The following PCSK2 variants were observed in gnomAD, a reference collection of about 807,000 sequenced individuals.
The protein encoded by PCSK2 is neuroendocrine convertase 2.
In PCSK2, 14 loss-of-function variants were observed where a neutral mutation model predicts 69.7. The ratio of observed to expected loss-of-function variants is 0.20; its 90% CI spans 0.13 to 0.31. The LOEUF (loss-of-function observed/expected upper bound fraction) is 0.31, where lower values mean the gene tolerates loss of function less well. Ranked by LOEUF, PCSK2 falls within the 10% of genes least tolerant of loss-of-function variation. PCSK2 has a pLI of 1.00. For synonymous variants in PCSK2, 307 were observed against 320.7 expected, an observed-to-expected ratio of 0.96 and a Z score of 0.46; for missense variants, 544 against 842.5, an observed-to-expected ratio of 0.65 and a Z score of 4.39.
chr20:17,290,365 C>T (rs1447905429), intron 2 of PCSK2, among the ~76,000 whole-genome samples: 1 of 152,204 alleles, frequency 6.6e-6, no homozygotes, highest in Non-Finnish European at 1.5e-5. Context: ...CCATTTTCTA[C>T]CATTCATATG....
chr20:17,229,030 C>A (rs1453698063), intron 1 of PCSK2, among the ~76,000 whole-genome samples: 1 of 151,880 alleles, frequency 6.6e-6, no homozygotes, highest in Non-Finnish European at 1.5e-5. Context: ...CTTCTTCACT[C>A]CCCCCCACCC....
chr20:17,333,892 C>A (rs1018404849), intron 2 of PCSK2, among the ~76,000 whole-genome samples: 6 of 92,498 alleles, frequency 6.5e-5, no homozygotes, highest in Admixed American at 2.8e-4. Flanking sequence ...CCATACATTT[C>A]TTCCTTCTAA....
At position 17,453,692 on chromosome 20, in the gene PCSK2, C is replaced by T. The variant is rs1176846618; in HGVS notation, c.886-50C>T. ...CTGGGCTGGAGACCTCCCCTGCCCC[C>T]TCGCAGCCCAGGCTGTGGGTAGCGG... On this transcript the variant is annotated intron_variant, in intron 8 of 11. Transcript: ENST00000262545. The surrounding 1 kb of genome is among the most constrained non-coding windows in gnomAD (Gnocchi z 4.0). 1.2e-6 allele frequency: 2 copies of T among 1,601,798 alleles called. No homozygotes were observed. Among genetic ancestry groups the T allele is most frequent in the Non-Finnish European group, 1.7e-6 (2 of 1,175,910 alleles).
intron 6 of PCSK2, among the ~76,000 whole-genome samples, chr20:17,413,769 C>T (rs533460430): frequency 1.5e-4 from 23 of 152,214 alleles, no homozygotes; most frequent in African/African-American, 2.4e-4. Context: ...CAAAATTGAC[C>T]GCATAATTGG....
intron 8 of PCSK2, among the ~76,000 whole-genome samples, chr20:17,448,275 G>A (rs1406163427): frequency 6.6e-6 from 1 of 152,162 alleles, no homozygotes; most frequent in African/African-American, 2.4e-5. Context: ...TGGTTAGGGT[G>A]GAGGGACTGA....
intron 2 of PCSK2, among the ~76,000 whole-genome samples, chr20:17,352,505 A>G (rs6044752): frequency 0.18 from 26,685 of 152,224 alleles, 2,598 homozygotes; most frequent in Non-Finnish European, 0.22. Context: ...ACAGACACAT[A>G]GAACAATGGA....
chr20:17,444,643 A>C (rs2032664453), intron 8 of PCSK2, among the ~76,000 whole-genome samples: 2 of 152,216 alleles, frequency 1.3e-5, no homozygotes, highest in Non-Finnish European at 2.9e-5. Context: ...TTTGGGATCA[A>C]GTAGTTTATT....
chr20:17,226,429 A>T (rs1399065206), upstream of PCSK2: 6 of 151,868 alleles, frequency 4.0e-5, no homozygotes, highest in Non-Finnish European at 7.3e-5. Context: ...CTCCCCGGGG[A>T]TTTGCCCAAA....
intron 6 of PCSK2, among the ~76,000 whole-genome samples, chr20:17,426,743 C>G (rs936249239): frequency 2.6e-5 from 4 of 152,216 alleles, no homozygotes; most frequent in African/African-American, 4.8e-5. Context: ...AGAGAATTCT[C>G]TCTTCTCAGA....
At chr20:17,346,085 G>A (rs1399179775) in intron 2 of PCSK2, among the ~76,000 whole-genome samples, 8 of 152,212 alleles carry the variant, frequency 5.3e-5, no homozygotes, top group Admixed American at 4.6e-4. Flanking sequence ...GCACAGAATG[G>A]GAACTAGGCA....
intron 2 of PCSK2, among the ~76,000 whole-genome samples, chr20:17,277,920 G>A (rs1243400693): frequency 6.7e-6 from 1 of 149,720 alleles, no homozygotes; most frequent in African/African-American, 2.4e-5. Flanking sequence ...GATATGAACA[G>A]ACACTTCTCA....
At chr20:17,441,822 C>G (rs148550150) in intron 8 of PCSK2, among the ~76,000 whole-genome samples, 1 of 152,018 alleles carries the variant, frequency 6.6e-6, no homozygotes, top group East Asian at 1.9e-4. Flanking sequence ...CACAGCCAAA[C>G]GGCATCAGCA....
chr20:17,437,744 T>C (rs530289524), intron 8 of PCSK2, among the ~76,000 whole-genome samples: 1 of 152,322 alleles, frequency 6.6e-6, no homozygotes, highest in East Asian at 1.9e-4. Context: ...CACAACTCCT[T>C]TACTACGCTT....
intron 5 of PCSK2, among the ~76,000 whole-genome samples, chr20:17,373,234 A>G (rs1034931933): frequency 6.6e-6 from 1 of 152,228 alleles, no homozygotes; most frequent in Non-Finnish European, 1.5e-5. Context: ...TAAACGGGGC[A>G]GTTATCAAAC....
rs150444549 is a variant in PCSK2 at position 17,230,762 on chromosome 20, A to G, written c.177+3280A>G. On this transcript the variant is annotated intron_variant, in intron 1 of 11. Coordinates refer to ENST00000262545, the MANE Select transcript of PCSK2 (RefSeq NM_002594.5). ...TATCTAGCATGGTGGCCTGTATATGAATATTTAATTGTTTGTCAATTATTT... is the reference window on the plus strand; with the variant it reads ...TATCTAGCATGGTGGCCTGTATATGGATATTTAATTGTTTGTCAATTATTT... 3.1e-4 allele frequency among the ~76,000 whole-genome samples: 47 copies of G among 152,348 alleles called. No homozygotes were observed. The East Asian group carries it at 7.9e-3, about 26-fold the overall frequency.
chr20:17,358,695 C>T (rs1276901556), intron 3 of PCSK2, among the ~76,000 whole-genome samples: 1 of 152,184 alleles, frequency 6.6e-6, no homozygotes, highest in Non-Finnish European at 1.5e-5. Context: ...GAATTCTCTT[C>T]AGTTCTGAAA....
chr20:17,353,141 C>T (rs2030051010), intron 2 of PCSK2, among the ~76,000 whole-genome samples: 1 of 152,180 alleles, frequency 6.6e-6, no homozygotes, highest in African/African-American at 2.4e-5. Flanking sequence ...GAGATACCAT[C>T]TCACAACAGT....
intron 6 of PCSK2, 145 bp from the exon 7 acceptor site, chr20:17,429,290 A>G: frequency 3.2e-6 from 2 of 622,906 alleles, no homozygotes; most frequent in East Asian, 2.7e-5. Flanking sequence ...CTTTAACACA[A>G]GGGCTGACCT....
At chr20:17,465,150 T>C (rs1012820674) in intron 10 of PCSK2, 176 bp from the exon 11 acceptor site, 7 of 655,834 alleles carry the variant, frequency 1.1e-5, no homozygotes, top group Admixed American at 9.0e-5. Flanking sequence ...TTGACTTATA[T>C]AGTGGTTTTG....
Sources: gnomAD v4.1 joint callset for allele counts (sites outside exome capture counted in the v4.1 genomes callset) on GRCh38, gnomAD v4.1.1 for gene constraint, Gnocchi (gnomAD v3.1) non-coding constraint, MANE v1.5 for transcripts, NCBI Gene and HGNC (gene_info 2026-07-23, HGNC 2026-07-21) for gene names.